The following SAMSN1 variants were observed in gnomAD, a reference collection of about 807,000 sequenced individuals.
SAMSN1 encodes SAM domain, SH3 domain and nuclear localization signals 1, also known as SAM domain-containing protein SAMSN-1.
Under a neutral mutation model 42.0 loss-of-function variants are expected in SAMSN1, and 31 were observed. The ratio of observed to expected loss-of-function variants is 0.74; its 90% CI spans 0.55 to 1.00. The LOEUF is 1.00. Ranked by LOEUF, SAMSN1 falls within the 50% of genes least tolerant of loss-of-function variation. The pLI is 0.00. For synonymous variants in SAMSN1, 178 were observed against 151.9 expected, an observed-to-expected ratio of 1.17 and a Z score of -1.26; for missense variants, 464 against 439.4, an observed-to-expected ratio of 1.06 and a Z score of -0.50.
At chr21:14,595,085 C>T (rs544450657) in intron 6 of SAMSN1, among the ~76,000 whole-genome samples, 1 of 152,264 alleles carries the variant, frequency 6.6e-6, no homozygotes, top group Admixed American at 6.5e-5. Context: ...AACTCACTTA[C>T]TGTCATGAGA....
intron 1 of SAMSN1, among the ~76,000 whole-genome samples, chr21:14,523,590 T>G (rs1342990761): frequency 6.6e-6 from 1 of 152,238 alleles, no homozygotes; most frequent in East Asian, 1.9e-4. Flanking sequence ...GTTGTCCTGC[T>G]TATAAACAAT....
upstream of SAMSN1, among the ~76,000 whole-genome samples, chr21:14,584,660 C>CT (rs1981862875): frequency 1.3e-5 from 2 of 152,162 alleles, no homozygotes; most frequent in African/African-American, 4.8e-5. Context: ...TATAGGAATA[C>CT]TTTTTCATCC....
At chr21:14,560,192 A>T (rs1980901129) in intron 2 of SAMSN1, among the ~76,000 whole-genome samples, 1 of 152,180 alleles carries the variant, frequency 6.6e-6, no homozygotes, top group African/African-American at 2.4e-5. Flanking sequence ...TAAAAAGGTA[A>T]TTCTTGAGAA....
intron 2 of SAMSN1, among the ~76,000 whole-genome samples, chr21:14,577,269 TATATATATATA>T (rs1393759355): frequency 0.019 from 973 of 52,542 alleles, 96 homozygotes; most frequent in South Asian, 0.054. Flanking sequence ...TATATATATA[TATATATATATA>T]TATATTTTTT....
At chr21:14,639,396 C>T (rs1983542525) in intron 2 of SAMSN1, among the ~76,000 whole-genome samples, 1 of 152,046 alleles carries the variant, frequency 6.6e-6, no homozygotes, top group Non-Finnish European at 1.5e-5. Flanking sequence ...CAAAAGAGGG[C>T]AAAACAAAGA....
chr21:14,653,766 A>C (rs1031344598), intron 1 of SAMSN1, among the ~76,000 whole-genome samples: 5 of 151,916 alleles, frequency 3.3e-5, no homozygotes, highest in African/African-American at 1.2e-4. Flanking sequence ...GTACTCCATA[A>C]ATATATATAC....
chr21:14,583,076 A>C (rs1274793347), intron 1 of SAMSN1, among the ~76,000 whole-genome samples: 2 of 152,194 alleles, frequency 1.3e-5, no homozygotes, highest in Non-Finnish European at 2.9e-5. Flanking sequence ...TATCTGTAAT[A>C]CCATAAAGTT....
At chr21:14,587,041 A>G (rs977909569), upstream of SAMSN1, among the ~76,000 whole-genome samples, 3 of 152,212 alleles carry the variant, frequency 2.0e-5, no homozygotes, top group Non-Finnish European at 4.4e-5. Context: ...AGGTTGAAGA[A>G]TATGGAATAT....
At chr21:14,626,339 G>A (rs1007503444) in intron 2 of SAMSN1, among the ~76,000 whole-genome samples, 2 of 152,132 alleles carry the variant, frequency 1.3e-5, no homozygotes, top group African/African-American at 4.8e-5. Context: ...AGAGTGAACA[G>A]GCAACCTATA....
intron 2 of SAMSN1, among the ~76,000 whole-genome samples, chr21:14,577,356 G>A (rs1482642640): frequency 5.0e-5 from 7 of 138,846 alleles, no homozygotes; most frequent in Admixed American, 3.0e-4. Context: ...CTCATGATCC[G>A]CCTGCCTCAG....
chr21:14,605,274 G>A (rs1051760973), intron 5 of SAMSN1, among the ~76,000 whole-genome samples: 6 of 152,182 alleles, frequency 3.9e-5, no homozygotes, highest in Non-Finnish European at 8.8e-5. Flanking sequence ...AAGTCTAAGT[G>A]GTCTCATCGT....
At position 14,636,311 on chromosome 21, in the gene SAMSN1, C is replaced by A. The variant is rs80249127; in HGVS notation, c.156+6691G>T. ...GTTCCCTCTTCCTCACTTCTCATCT[C>A]CCAAAAAGACACTCTTCTAATCAAC... On this transcript the variant is annotated intron_variant, in intron 2 of 15. Coordinates refer to the SAMSN1 transcript ENST00000647101. 3.1e-3 allele frequency among the ~76,000 whole-genome samples: 465 copies of A among 152,228 alleles called. 2 individuals are homozygous for A. Among genetic ancestry groups the A allele is most frequent in the African/African-American group, 9.6e-3 (400 of 41,540 alleles).
intron 4 of SAMSN1, 98 bp downstream of exon 4, chr21:14,512,346 A>G: frequency 3.2e-6 from 4 of 1,246,710 alleles, no homozygotes; most frequent in Non-Finnish European, 4.6e-6. Flanking sequence ...TCTCTTATCA[A>G]GTAGCTGGAA....
upstream of SAMSN1, chr21:14,583,763 C>A: frequency 1.4e-6 from 1 of 717,836 alleles, no homozygotes; most frequent in Non-Finnish European, 2.6e-6. Context: ...AGGGTCACTG[C>A]CTGATTTTAT....
At chr21:14,492,220 T>G (rs758179719) in intron 7 of SAMSN1, among the ~76,000 whole-genome samples, 1 of 152,194 alleles carries the variant, frequency 6.6e-6, no homozygotes, top group Non-Finnish European at 1.5e-5. Context: ...TTGATTGTGT[T>G]TCACGTTATT....
intron 2 of SAMSN1, among the ~76,000 whole-genome samples, chr21:14,619,264 A>C (rs1982938648): frequency 1.3e-5 from 2 of 152,276 alleles, no homozygotes; most frequent in African/African-American, 4.8e-5. Context: ...TTACAAAGTC[A>C]AAAGGAAAAA....
chr21:14,546,338 T>C, upstream of SAMSN1: 1 of 1,589,390 alleles, frequency 6.3e-7, no homozygotes. Context: ...CAGTGTGCTG[T>C]CTAATGCACA....
intron 2 of SAMSN1, among the ~76,000 whole-genome samples, chr21:14,620,207 T>C (rs1277448603): frequency 1.3e-5 from 2 of 152,164 alleles, no homozygotes; most frequent in African/African-American, 4.8e-5. Flanking sequence ...TGGTTAGGCT[T>C]TGTGTCCCCA....
intron 1 of SAMSN1, among the ~76,000 whole-genome samples, chr21:14,651,363 G>T (rs1983833945): frequency 6.6e-6 from 1 of 152,018 alleles, no homozygotes; most frequent in African/African-American, 2.4e-5. Flanking sequence ...TCCCAGGGAT[G>T]CAAAGATAGT....
Sources: gnomAD v4.1 joint callset for allele counts (sites outside exome capture counted in the v4.1 genomes callset) on GRCh38, gnomAD v4.1.1 for gene constraint, MANE v1.5 for transcripts, NCBI Gene and HGNC (gene_info 2026-07-23, HGNC 2026-07-21) for gene names.